COL4A5: variants seen among roughly 807,000 people sequenced by gnomAD.
The protein encoded by COL4A5 is collagen alpha-5(IV) chain.
In COL4A5, 26 loss-of-function variants were observed where a neutral mutation model predicts 130.2. The observed-to-expected ratio is 0.20, with a 90% confidence interval of 0.15 to 0.28. The LOEUF (loss-of-function observed/expected upper bound fraction) is 0.28. COL4A5 is among the 10% of genes least tolerant of loss of function. The probability of loss-of-function intolerance (pLI) is 1.00; values close to 1 mark genes in which losing one functional copy is unlikely to be tolerated. For missense variants in COL4A5, 1,131 were observed against 1,344.3 expected, an observed-to-expected ratio of 0.84 and a Z score of 2.48; for synonymous variants, 496 against 439.6, an observed-to-expected ratio of 1.13 and a Z score of -1.60.
At chrX:108,452,389 G>A (rs924378780) in intron 1 of COL4A5, among the ~76,000 whole-genome samples, 6 of 111,743 alleles carry the variant, frequency 5.4e-5, no homozygotes, top group African/African-American at 2.0e-4. Context: ...GATGGGGATG[G>A]CATTGAATCT....
chrX:108,445,079 C>G (rs2064439183), intron 1 of COL4A5, among the ~76,000 whole-genome samples: 1 of 111,130 alleles, frequency 9.0e-6, no homozygotes, highest in Admixed American at 9.6e-5. Flanking sequence ...GTATTTGACA[C>G]CATAGTAAAT....
intron 3 of COL4A5, 118 bp from the exon 4 acceptor site, chrX:108,563,764 T>G (rs1403585290): frequency 5.0e-6 from 3 of 602,507 alleles, no homozygotes; most frequent in Admixed American, 5.9e-5. Flanking sequence ...GGTGTATAAG[T>G]TTTTCACTAA....
At chrX:108,447,397 AC>A (rs1278296335) in intron 1 of COL4A5, among the ~76,000 whole-genome samples, 1 of 111,514 alleles carries the variant, frequency 9.0e-6, no homozygotes, top group Non-Finnish European at 1.9e-5. Flanking sequence ...TAACATACTC[AC>A]TTTACCTTCT....
intron 42 of COL4A5, among the ~76,000 whole-genome samples, chrX:108,671,791 G>T (rs1425437035): frequency 9.0e-6 from 1 of 111,506 alleles, no homozygotes; most frequent in Admixed American, 9.6e-5. Context: ...TCGGGGTGAA[G>T]GGACTCTCTC....
intron 34 of COL4A5, 97 bp downstream of exon 34, chrX:108,624,431 G>A: frequency 1.3e-6 from 1 of 747,979 alleles, no homozygotes; most frequent in Non-Finnish European, 2.0e-6. Context: ...CTGTGGATTT[G>A]ATCATGGTAA....
chrX:108,566,634 C>T (rs761177496), intron 4 of COL4A5, among the ~76,000 whole-genome samples: 2 of 110,089 alleles, frequency 1.8e-5, no homozygotes, highest in East Asian at 2.9e-4. Flanking sequence ...CTGCAAGCTC[C>T]GCCTCCCGGG....
Position 108,518,660 on chromosome X carries a change from TA to T in COL4A5, c.82-21080del, listed in dbSNP as rs761818465. Among the ~76,000 whole-genome samples the T allele has an allele frequency of 5.4e-4, 60 of 111,582 alleles. 1 individual carries two copies. The highest frequency in any genetic ancestry group is 1.4e-3 in the Admixed American group (15 of 10,488). Reference sequence around the variant, plus strand: ...AGTAAGCATATTTTATTGTTTATCTTAAAAAATGCATTTTTTTAAATCAAGG... The same window carrying T: ...AGTAAGCATATTTTATTGTTTATCTTAAAAATGCATTTTTTTAAATCAAGG... On this transcript the variant is annotated intron_variant, in intron 1 of 52. Coordinates refer to ENST00000328300, the MANE Select transcript of COL4A5 (RefSeq NM_033380.3).
chrX:108,638,910 T>C (rs1329564117), intron 36 of COL4A5, among the ~76,000 whole-genome samples: 2 of 111,583 alleles, frequency 1.8e-5, no homozygotes, highest in Non-Finnish European at 3.8e-5. Flanking sequence ...AAAATATTGC[T>C]AAAAGGAATT....
intron 1 of COL4A5, among the ~76,000 whole-genome samples, chrX:108,485,894 A>G (rs982729053): frequency 2.7e-5 from 3 of 110,579 alleles, no homozygotes; most frequent in African/African-American, 9.9e-5. Context: ...GGACTTGCAG[A>G]CTTTGTGGCC....
chrX:108,673,894 T>G (rs2068253597), intron 42 of COL4A5, among the ~76,000 whole-genome samples: 1 of 108,023 alleles, frequency 9.3e-6, no homozygotes, highest in Non-Finnish European at 1.9e-5. Flanking sequence ...ATATGAAAAT[T>G]AGCCAGGCGT....
intron 1 of COL4A5, among the ~76,000 whole-genome samples, chrX:108,521,736 T>C (rs2065267380): frequency 8.9e-6 from 1 of 111,919 alleles, no homozygotes. Flanking sequence ...TAGAAAAGTC[T>C]TAGTCCCTTC....
chrX:108,570,918 T>C (rs2066054831), intron 6 of COL4A5, among the ~76,000 whole-genome samples: 1 of 112,260 alleles, frequency 8.9e-6, no homozygotes, highest in Non-Finnish European at 1.9e-5. Flanking sequence ...CTAGAAAACA[T>C]AATGACCTGC....
intron 21 of COL4A5, among the ~76,000 whole-genome samples, chrX:108,592,657 G>A (rs1291309113): frequency 1.8e-5 from 2 of 109,350 alleles, no homozygotes; most frequent in African/African-American, 3.3e-5. Context: ...CAAATGTCAG[G>A]TCTGTCCTTT....
chrX:108,446,872 T>C (rs1473522491), intron 1 of COL4A5, among the ~76,000 whole-genome samples: 1 of 112,047 alleles, frequency 8.9e-6, no homozygotes. Context: ...TTGGCTCATC[T>C]TTTAATAAGT....
intron 10 of COL4A5, among the ~76,000 whole-genome samples, chrX:108,577,040 T>C (rs754537173): frequency 9.0e-6 from 1 of 111,093 alleles, no homozygotes; most frequent in African/African-American, 3.3e-5. Flanking sequence ...ATTCCTTGAA[T>C]TAACGCTAAT....
intron 2 of COL4A5, among the ~76,000 whole-genome samples, chrX:108,544,559 T>C (rs760019917): frequency 5.3e-4 from 59 of 110,466 alleles, no homozygotes; most frequent in African/African-American, 1.8e-3. Context: ...GGGATATTGG[T>C]CTAAAATTCT....
At chrX:108,536,184 A>G (rs999554046) in intron 1 of COL4A5, among the ~76,000 whole-genome samples, 7 of 110,696 alleles carry the variant, frequency 6.3e-5, no homozygotes, top group Non-Finnish European at 9.5e-5. Context: ...TATTTTTTAT[A>G]TTTATTCTAG....
At chrX:108,508,879 C>T (rs1444280192) in intron 1 of COL4A5, among the ~76,000 whole-genome samples, 2 of 111,759 alleles carry the variant, frequency 1.8e-5, no homozygotes, top group Middle Eastern at 4.6e-3. Context: ...TGAAATTGGA[C>T]CCCTTCCTTA....
At chrX:108,446,633 C>T (rs1446643158) in intron 1 of COL4A5, among the ~76,000 whole-genome samples, 1 of 111,864 alleles carries the variant, frequency 8.9e-6, no homozygotes, top group East Asian at 2.8e-4. Flanking sequence ...CAGAAGCCCA[C>T]ATTGGTTAAA....
Sources: gnomAD v4.1 joint callset for allele counts (sites outside exome capture counted in the v4.1 genomes callset) on GRCh38, gnomAD v4.1.1 for gene constraint, MANE v1.5 for transcripts, NCBI Gene and HGNC (gene_info 2026-07-23, HGNC 2026-07-21) for gene names.